Variants in NUP214 observed in about 807,000 individuals in gnomAD.
NUP214 encodes nucleoporin 214, also known as nuclear pore complex protein Nup214.
Under a neutral mutation model 196.2 loss-of-function variants are expected in NUP214, and 79 were observed. The ratio of observed to expected loss-of-function variants is 0.40; its 90% CI spans 0.34 to 0.49. NUP214 has a LOEUF of 0.49. Among genes scored for constraint, NUP214 ranks in the 20% least tolerant of loss-of-function variants. NUP214 has a pLI of 0.58. For missense variants in NUP214, 2,468 were observed against 2,539.0 expected, an observed-to-expected ratio of 0.97 and a Z score of 0.60; for synonymous variants, 1,020 against 990.5, an observed-to-expected ratio of 1.03 and a Z score of -0.56.
intron 30 of NUP214, among the ~76,000 whole-genome samples, chr9:131,202,966 G>A (rs1389238952): frequency 6.7e-6 from 1 of 148,632 alleles, no homozygotes; most frequent in Non-Finnish European, 1.5e-5. Flanking sequence ...TTTTTTTTGA[G>A]ACCGAGTGTC....
intron 21 of NUP214, among the ~76,000 whole-genome samples, chr9:131,165,858 A>C (rs919473400): frequency 1.3e-5 from 2 of 152,240 alleles, no homozygotes; most frequent in Non-Finnish European, 2.9e-5. Flanking sequence ...GTCCTCAAAT[A>C]GACAAATACT....
rs546238074 is a variant in NUP214 at position 131,162,445 on chromosome 9, A to G, written c.2541-546A>G. Among the ~76,000 whole-genome samples, 17 of 152,346 alleles carry G rather than the reference A, an allele frequency of 1.1e-4. No homozygotes were observed. The East Asian group carries it at 3.3e-3, about 29-fold the overall frequency. On this transcript the variant is annotated intron_variant, in intron 18 of 35. Coordinates refer to ENST00000359428, the MANE Select transcript of NUP214 (RefSeq NM_005085.4). ...GAAGCAAATAGACCTGTCGCCCTCT[A>G]CAGTCAGACCTACTTCCCAGAGGCA...
At position 131,163,162 on chromosome 9, in the gene NUP214, C is replaced by T; in HGVS notation, c.2712C>T (p.Ser904=). The T allele has an allele frequency of 6.2e-7, 1 of 1,611,032 alleles. No individual in the cohort carries two copies. Among genetic ancestry groups the T allele is most frequent in the East Asian group, 2.2e-5 (1 of 44,882 alleles). The change falls in exon 19 of 36, where the codon AGC becomes AGT. Residue 904 remains serine (S), a synonymous_variant. Transcript: ENST00000359428. ...WSLSSAVPSQ[S]SIHSFDSDLE... ...TGTCCTCGGCTGTTCCTTCCCAGAG[C>T]AGCATTCACAGGTGTGGAGAGGACT...
At position 131,132,624 on chromosome 9, in the gene NUP214, G is replaced by C. The variant is rs367831865; in HGVS notation, c.692G>C (p.Cys231Ser). The C allele has an allele frequency of 1.8e-5, 29 of 1,613,918 alleles. No individual in the cohort carries two copies. The highest frequency in any genetic ancestry group is 2.4e-5 in the Non-Finnish European group (28 of 1,179,986). The change falls in exon 6 of 36, where the codon TGT becomes TCT. Residue 231 changes from cysteine (C) to serine (S), a missense_variant. Cys to Ser is a moderately radical substitution (Grantham distance 112). Coordinates refer to ENST00000359428, the MANE Select transcript of NUP214 (RefSeq NM_005085.4). The part of the protein sequence containing the change: ...PTLQEKKVIP[C>S]PPFYESDHPV... The stretch of plus-strand genomic sequence containing the variant: ...TTGCAGGAAAAAAAAGTCATTCCTT[G>C]TCCTCCGTTTTATGAGTCAGATCAT...
Position 131,197,544 on chromosome 9 carries a change from T to A in NUP214, c.4050T>A (p.Asn1350Lys), listed in dbSNP as rs780571500. 26 of 1,614,016 alleles carry A rather than the reference T, an allele frequency of 1.6e-5. No individual in the cohort carries two copies. The Admixed American group carries it at 2.0e-4, about 12-fold the overall frequency. ...GQADDSTKPT[N>K]KASSTSLTST... ...CAGATGATTCTACAAAACCAACCAA[T>A]AAGGCTTCATCCACAAGCCTAACTA... is the stretch of plus-strand genomic sequence containing the variant. Residue 1350 changes from asparagine to lysine, a missense_variant, in exon 29 of 36, where the codon AAT (asparagine) becomes AAA (lysine). Physicochemically the swap from Asn to Lys is moderately conservative, Grantham distance 94 (BLOSUM62 0). Coordinates refer to ENST00000359428, the MANE Select transcript of NUP214 (RefSeq NM_005085.4).
At chr9:131,185,778 C>T (rs1026062201) in intron 24 of NUP214, among the ~76,000 whole-genome samples, 3 of 152,170 alleles carry the variant, frequency 2.0e-5, no homozygotes, top group East Asian at 1.9e-4. Context: ...AGGGGTGTCA[C>T]GTGGTGTGTA....
chr9:131,166,830 C>T (rs557389493), intron 21 of NUP214, among the ~76,000 whole-genome samples: 6 of 151,862 alleles, frequency 4.0e-5, no homozygotes, highest in East Asian at 3.9e-4. Context: ...CTTCCAATTG[C>T]GAGTACAGTA....
chr9:131,130,161 T>TTTTTTTTTTTTTTTTTTTTTA (rs1554728091), intron 4 of NUP214, among the ~76,000 whole-genome samples: 1 of 136,412 alleles, frequency 7.3e-6, no homozygotes. Context: ...GTTTTTTTTT[T>TTTTTTTTTTTTTTTTTTTTTA]GAGACAGAGT....
Position 131,193,645 on chromosome 9 carries a change from T to C in NUP214, c.3659+1353T>C, listed in dbSNP as rs1252015381. On this transcript the variant is annotated intron_variant, in intron 27 of 35. Transcript: ENST00000359428. ...CTTCCTTTTCTTTTTTTTTTTTTTTTTTTTTTTTTTTTTTTTTGGATTTTC... is the reference window on the plus strand; with the variant it reads ...CTTCCTTTTCTTTTTTTTTTTTTTTCTTTTTTTTTTTTTTTTTGGATTTTC... Among the ~76,000 whole-genome samples, 225 of 106,990 alleles carry C rather than the reference T, an allele frequency of 2.1e-3. 2 individuals are homozygous for C. Among genetic ancestry groups the C allele is most frequent in the African/African-American group, 7.5e-3 (216 of 28,884 alleles). 70.2% of individuals were successfully genotyped at this position (106,990 alleles called of 152,430 possible). A position where few individuals can be genotyped will look rare whatever the true frequency, so the allele number is the denominator to read the frequency against.
chr9:131,156,571 G>GTT (rs1832453795), intron 17 of NUP214, among the ~76,000 whole-genome samples: 1 of 133,430 alleles, frequency 7.5e-6, no homozygotes, highest in African/African-American at 2.8e-5. Context: ...TTTTTTTTTT[G>GTT]TTCTTTTTTT....
chr9:131,178,518 G>A (rs904832101), intron 24 of NUP214, 108 bp downstream of exon 24: 8 of 748,128 alleles, frequency 1.1e-5, no homozygotes, highest in African/African-American at 6.9e-5. Flanking sequence ...TTCCTGCACC[G>A]CCTTAGGTTA....
rs1332608618 is a variant in NUP214, at chr9:131,163,464, A to G, written c.2723+291A>G. The G allele has an allele frequency of 1.6e-5, 7 of 430,090 alleles. No homozygotes were observed. In the Admixed American group the frequency reaches 2.1e-4, roughly 13 times the overall value. 26.6% of individuals were successfully genotyped at this position (430,090 alleles called of 1,614,324 possible). On this transcript the variant is annotated intron_variant, in intron 19 of 35. Coordinates refer to ENST00000359428, the MANE Select transcript of NUP214 (RefSeq NM_005085.4). ...AGTGATACACCATAGTAACAGTGTC[A>G]TGGTTTGATTGAAAATCAGCTGATA... is the stretch of plus-strand genomic sequence containing the variant.
At chr9:131,135,855 C>T (rs1831710319) in intron 8 of NUP214, 85 bp from the exon 9 acceptor site, 4 of 977,368 alleles carry the variant, frequency 4.1e-6, no homozygotes, top group Non-Finnish European at 6.4e-6. Context: ...TGGAGGCAGC[C>T]CTCACAGGTG....
At chr9:131,149,109 G>A (rs1564185423) in intron 14 of NUP214, among the ~76,000 whole-genome samples, 1 of 151,662 alleles carries the variant, frequency 6.6e-6, no homozygotes, top group Admixed American at 6.6e-5. Flanking sequence ...CTGAGAATAA[G>A]CGTTATGTCT....
chr9:131,157,129 C>T (rs1832475192), intron 17 of NUP214, among the ~76,000 whole-genome samples: 1 of 145,062 alleles, frequency 6.9e-6, no homozygotes, highest in South Asian at 2.2e-4. Flanking sequence ...TACGCTACCA[C>T]GTTTAGCTCT....
At chr9:131,206,148 C>CTTTTTTCTTTTTTTTTTTT (rs1301657384) in intron 30 of NUP214, among the ~76,000 whole-genome samples, 8 of 76,384 alleles carry the variant, frequency 1.0e-4, no homozygotes, top group African/African-American at 3.7e-4. Context: ...TTTCTTTTTT[C>CTTTTTTCTTTTTTTTTTTT]TTTTTTTTTT....
rs1834953589 is a variant in NUP214, at chr9:131,234,150, C to T, written c.*663C>T. ...CTTAGCCGGCCTTGGCTCTCATCTC[C>T]ATGTGGCTCTTGGGTGCCATGTGTC... On this transcript the variant is annotated 3_prime_UTR_variant, in exon 36 of 36. Coordinates refer to ENST00000359428, the MANE Select transcript of NUP214 (RefSeq NM_005085.4). 4.3e-6 allele frequency: 1 copy of T among 233,550 alleles called. No individual in the cohort carries two copies. Among genetic ancestry groups the T allele is most frequent in the East Asian group, 6.0e-5 (1 of 16,578 alleles). The allele number at this position is 233,550 out of a possible 1,614,324, so 14.5% of individuals were successfully genotyped here.
chr9:131,197,769 C>A lies in NUP214; in HGVS notation c.4275C>A (p.Ile1425=). The change falls in exon 29 of 36, where the codon ATC becomes ATA. Residue 1425 remains isoleucine (I), a synonymous_variant. Coordinates refer to ENST00000359428, the MANE Select transcript of NUP214 (RefSeq NM_005085.4). ...CCAGTGCAGGATCCTCTGGGGTCAT[C>A]AGTTTTGGTGGGACATCTCTAAGTG... ...PVTSAGSSGV[I]SFGGTSLSAG... is the part of the protein sequence containing the mutation. The A allele has an allele frequency of 6.2e-7, 1 of 1,614,222 alleles. No homozygotes were observed. Among genetic ancestry groups the A allele is most frequent in the Non-Finnish European group, 8.5e-7 (1 of 1,180,046 alleles).
At chr9:131,203,195 T>C (rs1833988029) in intron 30 of NUP214, among the ~76,000 whole-genome samples, 1 of 152,090 alleles carries the variant, frequency 6.6e-6, no homozygotes. Flanking sequence ...TCCGCCCACC[T>C]CAGCCTCCCA....
Sources: gnomAD v4.1 joint callset for allele counts (sites outside exome capture counted in the v4.1 genomes callset) on GRCh38, gnomAD v4.1.1 for gene constraint, MANE v1.5 for transcripts, NCBI Gene and HGNC (gene_info 2026-07-23, HGNC 2026-07-21) for gene names.